EDN1: variants seen among roughly 807,000 people sequenced by gnomAD.
EDN1 encodes the protein endothelin 1.
A neutral mutation model predicts 21.7 loss-of-function variants in EDN1; 11 were observed. The ratio of observed to expected loss-of-function variants is 0.51; its 90% CI spans 0.32 to 0.84. The LOEUF (loss-of-function observed/expected upper bound fraction) is 0.84, where lower values mean the gene tolerates loss of function less well. Ranked by LOEUF, EDN1 falls within the 40% of genes least tolerant of loss-of-function variation. EDN1 has a pLI of 0.03. For missense variants in EDN1, 244 were observed against 262.3 expected (o/e 0.93, Z 0.48); for synonymous variants, 85 against 90.6 (o/e 0.94, Z 0.35).
the EDN1 span, among the ~76,000 whole-genome samples, chr6:12,264,483 G>A: frequency 6.6e-6 from 1 of 152,134 alleles, no homozygotes; most frequent in African/African-American, 2.4e-5. Context: ...TAAGTGGGTT[G>A]GAAGGGAAAG....
chr6:12,281,938 G>T, the EDN1 span, among the ~76,000 whole-genome samples: 1 of 152,002 alleles, frequency 6.6e-6, no homozygotes, highest in Admixed American at 6.5e-5. Context: ...GAAATAAAGT[G>T]AGTATAGATT....
chr6:12,265,381 G>A, the EDN1 span, among the ~76,000 whole-genome samples: 1 of 152,168 alleles, frequency 6.6e-6, no homozygotes, highest in Non-Finnish European at 1.5e-5. Context: ...TTTGAGATAG[G>A]GTGTTTAAAG....
the EDN1 span, among the ~76,000 whole-genome samples, chr6:12,248,288 C>A: frequency 6.6e-6 from 1 of 152,178 alleles, no homozygotes; most frequent in Non-Finnish European, 1.5e-5. Flanking sequence ...TTACCAGGAA[C>A]TGAATCGGCC....
chr6:12,254,231 T>C, the EDN1 span, among the ~76,000 whole-genome samples: 1 of 152,196 alleles, frequency 6.6e-6, no homozygotes, highest in African/African-American at 2.4e-5. Context: ...GCATTTGCAA[T>C]TCCCAAATAC....
chr6:12,286,587 T>C (rs993721501), upstream of EDN1, among the ~76,000 whole-genome samples: 4 of 152,204 alleles, frequency 2.6e-5, no homozygotes, highest in Non-Finnish European at 5.9e-5. Flanking sequence ...CTGAGCTAAA[T>C]GCAACATCTC....
At chr6:12,276,110 C>T in the EDN1 span, among the ~76,000 whole-genome samples, 7 of 138,810 alleles carry the variant, frequency 5.0e-5, no homozygotes, top group East Asian at 4.4e-4. Flanking sequence ...TGCAGTGAGC[C>T]GAGGTCGCGC....
chr6:12,281,847 T>C, the EDN1 span, among the ~76,000 whole-genome samples: 396 of 152,328 alleles, frequency 2.6e-3, 4 homozygotes, highest in African/African-American at 9.3e-3. Context: ...GAAACATCAC[T>C]GAGAATTTAT....
upstream of EDN1, among the ~76,000 whole-genome samples, chr6:12,286,794 C>T (rs894470680): frequency 4.6e-5 from 7 of 152,122 alleles, no homozygotes; most frequent in African/African-American, 1.7e-4. Context: ...TTATCAAATA[C>T]TTTCCAGCAT....
chr6:12,267,951 T>C, the EDN1 span, among the ~76,000 whole-genome samples: 1 of 152,226 alleles, frequency 6.6e-6, no homozygotes. Flanking sequence ...CTGCTCTTCT[T>C]GTGCCACATA....
rs1219887769 is a variant in EDN1 at position 12,296,857 on chromosome 6, C to T, written c.*790C>T. 3 of 152,134 alleles carry T rather than the reference C, an allele frequency of 2.0e-5. No homozygotes were observed. The highest frequency in any genetic ancestry group is 1.5e-5 in the Non-Finnish European group (1 of 68,034). 9.4% of individuals were successfully genotyped at this position (152,134 alleles called of 1,614,324 possible). A position where few individuals can be genotyped will look rare whatever the true frequency, so the allele number is the denominator to read the frequency against. ...AAAAAGATCATTAAATCAGGAGATT[C>T]CCTGTCCTTGATTTTTGGAGACACA... On this transcript the variant is annotated 3_prime_UTR_variant, in exon 5 of 5. Transcript: ENST00000379375.
chr6:12,274,532 A>G, the EDN1 span, among the ~76,000 whole-genome samples: 128 of 152,322 alleles, frequency 8.4e-4, no homozygotes, highest in African/African-American at 2.6e-3. Context: ...TTCTCCCCCA[A>G]TTAGAATATG....
the EDN1 span, among the ~76,000 whole-genome samples, chr6:12,252,571 C>T: frequency 6.6e-6 from 1 of 152,194 alleles, no homozygotes; most frequent in African/African-American, 2.4e-5. Context: ...AAGCATCCTG[C>T]ATGTTCACGT....
chr6:12,260,658 C>G, the EDN1 span, among the ~76,000 whole-genome samples: 3 of 152,120 alleles, frequency 2.0e-5, no homozygotes, highest in African/African-American at 4.8e-5. Context: ...TAATGTTTTA[C>G]GATTATATGC....
chr6:12,246,255 G>GGCA, the EDN1 span, among the ~76,000 whole-genome samples: 1 of 152,136 alleles, frequency 6.6e-6, no homozygotes, highest in Non-Finnish European at 1.5e-5. Flanking sequence ...GTGGGCAAGG[G>GGCA]GCAGCATCTG....
chr6:12,242,655 G>C, the EDN1 span, among the ~76,000 whole-genome samples: 1 of 151,938 alleles, frequency 6.6e-6, no homozygotes, highest in Non-Finnish European at 1.5e-5. Context: ...GTAGATCCTT[G>C]TTTGGATCTC....
At chr6:12,258,448 T>TAAAAAA in the EDN1 span, among the ~76,000 whole-genome samples, 1,516 of 27,624 alleles carry the variant, frequency 0.055, 205 homozygotes, top group East Asian at 0.41. Flanking sequence ...AGATCATGTC[T>TAAAAAA]CAAAAAAAAA....
the EDN1 span, among the ~76,000 whole-genome samples, chr6:12,267,426 T>C: frequency 6.6e-6 from 1 of 152,174 alleles, no homozygotes; most frequent in Admixed American, 6.5e-5. Flanking sequence ...AATGCCAGAT[T>C]GTTGATATGG....
At chr6:12,253,489 C>T in the EDN1 span, among the ~76,000 whole-genome samples, 1 of 151,928 alleles carries the variant, frequency 6.6e-6, no homozygotes, top group South Asian at 2.1e-4. Flanking sequence ...ATAGCAAAAA[C>T]TAGCATATGG....
At chr6:12,275,184 C>T in the EDN1 span, among the ~76,000 whole-genome samples, 8 of 152,224 alleles carry the variant, frequency 5.3e-5, no homozygotes, top group African/African-American at 1.9e-4. Flanking sequence ...GACTCTGGCT[C>T]ATAAATGGGC....
Sources: allele counts gnomAD v4.1 joint callset (sites outside exome capture counted in the v4.1 genomes callset), GRCh38; gene constraint gnomAD v4.1.1; transcripts MANE v1.5; gene names NCBI Gene and HGNC (gene_info 2026-07-23, HGNC 2026-07-21).